Variants in PLEKHG1 observed in about 807,000 individuals in gnomAD.
PLEKHG1 encodes pleckstrin homology and RhoGEF domain containing G1.
PLEKHG1 carries 44 observed loss-of-function variants against 100.8 expected under a neutral mutation model. The ratio of observed to expected loss-of-function variants is 0.44; its 90% CI spans 0.34 to 0.56. The LOEUF (loss-of-function observed/expected upper bound fraction) is 0.56. Among genes scored for constraint, PLEKHG1 ranks in the 20% least tolerant of loss-of-function variants. The pLI, the probability that PLEKHG1 is intolerant of heterozygous loss-of-function variation, is 0.01. For synonymous variants in PLEKHG1, 640 were observed against 662.5 expected, an observed-to-expected ratio of 0.97 and a Z score of 0.52; for missense variants, 1,545 against 1,720.9, an observed-to-expected ratio of 0.90 and a Z score of 1.81.
Position 150,702,144 on chromosome 6 carries a change from C to T in PLEKHG1, c.-98-31440C>T, listed in dbSNP as rs144458284. 3.9e-5 allele frequency among the ~76,000 whole-genome samples: 6 copies of T among 152,326 alleles called. No individual in the cohort carries two copies. In the East Asian group the frequency reaches 1.2e-3, roughly 29 times the overall value. On this transcript the variant is annotated intron_variant, in intron 3 of 3. Coordinates refer to the PLEKHG1 transcript ENST00000367326. ...GAGACATGAACATCTTTTGCCACTTCAGAAATACAACTGGACAACAGAGTG... is the reference window on the plus strand; with the variant it reads ...GAGACATGAACATCTTTTGCCACTTTAGAAATACAACTGGACAACAGAGTG...
chr6:150,676,973 C>T (rs940497417), intron 3 of PLEKHG1, among the ~76,000 whole-genome samples: 3 of 152,104 alleles, frequency 2.0e-5, no homozygotes, highest in Non-Finnish European at 4.4e-5. Context: ...AGGCATTCTC[C>T]CTGCAGCTGC....
At chr6:150,756,390 C>T (rs1783841817) in intron 2 of PLEKHG1, among the ~76,000 whole-genome samples, 1 of 152,160 alleles carries the variant, frequency 6.6e-6, no homozygotes, top group South Asian at 2.1e-4. Context: ...GCGAGACAAT[C>T]AGATATATCC....
At chr6:150,802,413 T>C (rs1056397440) in intron 6 of PLEKHG1, among the ~76,000 whole-genome samples, 3 of 152,208 alleles carry the variant, frequency 2.0e-5, no homozygotes, top group African/African-American at 7.2e-5. Context: ...ATCTCTAATA[T>C]GGTCTTCTAG....
At chr6:150,760,209 T>G (rs1228729123) in intron 2 of PLEKHG1, among the ~76,000 whole-genome samples, 1 of 152,208 alleles carries the variant, frequency 6.6e-6, no homozygotes, top group Admixed American at 6.5e-5. Flanking sequence ...TATTTTCAGA[T>G]GCGTCAAGTG....
intron 1 of PLEKHG1, among the ~76,000 whole-genome samples, chr6:150,620,952 A>G (rs1298270652): frequency 6.6e-6 from 1 of 152,202 alleles, no homozygotes; most frequent in Non-Finnish European, 1.5e-5. Context: ...TGAAGAAGGA[A>G]ATAAAACAAT....
chr6:150,674,126 C>T (rs1779662936), intron 3 of PLEKHG1, among the ~76,000 whole-genome samples: 2 of 152,256 alleles, frequency 1.3e-5, no homozygotes, highest in East Asian at 1.9e-4. Context: ...ATCCCAGCTC[C>T]TCCACCTTCT....
chr6:150,794,798 A>G (rs1786219095), intron 4 of PLEKHG1, among the ~76,000 whole-genome samples: 1 of 152,136 alleles, frequency 6.6e-6, no homozygotes, highest in South Asian at 2.1e-4. Flanking sequence ...GTTAATGATT[A>G]TTGAGGTTGG....
At chr6:150,752,948 C>T (rs1208306080) in intron 2 of PLEKHG1, among the ~76,000 whole-genome samples, 1 of 151,834 alleles carries the variant, frequency 6.6e-6, no homozygotes. Context: ...CCTGTCTCTA[C>T]AAAAAAATAC....
rs79533299 is a variant in PLEKHG1, at chr6:150,760,058, A to T, written c.412-8580A>T. On this transcript the variant is annotated intron_variant, in intron 2 of 15. Coordinates refer to ENST00000358517, the Ensembl canonical transcript of PLEKHG1. ...ATAGCAGTGAGGAGTTAAAATTCAG[A>T]TTATGTAATAATGTACATTTATTTT... 3.4e-3 allele frequency among the ~76,000 whole-genome samples: 525 copies of T among 152,314 alleles called. 20 individuals are homozygous for T. The East Asian group carries it at 0.061, about 18-fold the overall frequency.
intron 2 of PLEKHG1, among the ~76,000 whole-genome samples, chr6:150,746,934 A>G (rs1783197820): frequency 6.6e-6 from 1 of 152,202 alleles, no homozygotes; most frequent in Non-Finnish European, 1.5e-5. Flanking sequence ...TGTAACTGCA[A>G]AGTTCCTTTT....
At chr6:150,653,317 G>T (rs1778823579) in intron 3 of PLEKHG1, among the ~76,000 whole-genome samples, 1 of 152,046 alleles carries the variant, frequency 6.6e-6, no homozygotes, top group Non-Finnish European at 1.5e-5. Context: ...ATTTTTTCCT[G>T]GAGGAAGAGG....
chr6:150,769,210 C>T (rs1784591170), intron 3 of PLEKHG1, among the ~76,000 whole-genome samples: 1 of 152,042 alleles, frequency 6.6e-6, no homozygotes, highest in Non-Finnish European at 1.5e-5. Flanking sequence ...AAGTATGTAG[C>T]AGACACTGGG....
chr6:150,612,353 CAG>C (rs1436834097), intron 1 of PLEKHG1, among the ~76,000 whole-genome samples: 1 of 150,632 alleles, frequency 6.6e-6, no homozygotes, highest in African/African-American at 2.4e-5. Context: ...GTTTTTGAGA[CAG>C]AGTCTCTCTC....
chr6:150,626,508 C>T (rs17422247), intron 1 of PLEKHG1, among the ~76,000 whole-genome samples: 5,224 of 152,252 alleles, frequency 0.034, 129 homozygotes, highest in East Asian at 0.072. Flanking sequence ...TGTTTACTGC[C>T]GGGCTCTCCG....
chr6:150,609,824 G>A (rs904442648), intron 1 of PLEKHG1, among the ~76,000 whole-genome samples: 1 of 152,112 alleles, frequency 6.6e-6, no homozygotes, highest in African/African-American at 2.4e-5. Flanking sequence ...CTGGCATGTC[G>A]GCCAAGACAA....
exon 16 of PLEKHG1, chr6:150,843,611 A>T (rs1355595825): frequency 6.6e-6 from 1 of 152,224 alleles, no homozygotes; most frequent in Non-Finnish European, 1.5e-5. Context: ...TGTATATAAG[A>T]TAATGAAAGT....
chr6:150,728,536 A>G (rs1161747295), intron 1 of PLEKHG1, among the ~76,000 whole-genome samples: 2 of 152,014 alleles, frequency 1.3e-5, no homozygotes, highest in African/African-American at 4.8e-5. Flanking sequence ...TGATTGTGCC[A>G]CTGCACTCCA....
chr6:150,642,173 C>T (rs1412569412), intron 2 of PLEKHG1, among the ~76,000 whole-genome samples: 2 of 152,122 alleles, frequency 1.3e-5, no homozygotes, highest in African/African-American at 2.4e-5. Context: ...GATAGTACAA[C>T]TTTGGAAACC....
intron 3 of PLEKHG1, among the ~76,000 whole-genome samples, chr6:150,673,577 TTTCTC>T (rs1779644914): frequency 6.6e-6 from 1 of 152,194 alleles, no homozygotes; most frequent in East Asian, 1.9e-4. Flanking sequence ...AACTCTTTCT[TTTCTC>T]TTCTCCTTCC....
Sources: gnomAD v4.1 joint callset for allele counts (sites outside exome capture counted in the v4.1 genomes callset) on GRCh38, gnomAD v4.1.1 for gene constraint, MANE v1.5 for transcripts, NCBI Gene and HGNC (gene_info 2026-07-23, HGNC 2026-07-21) for gene names.